Variants in HGF observed in about 807,000 individuals in gnomAD.
HGF encodes fibroblast-derived tumor cytotoxic factor.
In HGF, 39 loss-of-function variants were observed where a neutral mutation model predicts 111.6. The observed-to-expected ratio is 0.35, with a 90% CI of 0.27 to 0.46. HGF has a LOEUF of 0.46. HGF is among the 20% of genes least tolerant of loss of function. The pLI is 1.00. For missense variants in HGF, 735 were observed against 910.5 expected, an observed-to-expected ratio of 0.81 and a Z score of 2.48; for synonymous variants, 285 against 294.8, an observed-to-expected ratio of 0.97 and a Z score of 0.34.
At chr7:81,751,960 A>T in intron 5 of HGF, 160 bp downstream of exon 5, 2 of 1,433,164 alleles carry the variant, frequency 1.4e-6, no homozygotes, top group Non-Finnish European at 1.8e-6. Flanking sequence ...CAACAGTTTT[A>T]AAAACATTGT....
chr7:81,710,089 A>T (rs1264741666), intron 13 of HGF, 58 bp downstream of exon 13: 2 of 1,173,800 alleles, frequency 1.7e-6, no homozygotes, highest in Non-Finnish European at 1.3e-6. Context: ...TATTTCTGGG[A>T]ATAGGACTCT....
At chr7:81,721,174 G>A (rs1789850417) in intron 9 of HGF, among the ~76,000 whole-genome samples, 1 of 152,126 alleles carries the variant, frequency 6.6e-6, no homozygotes, top group Non-Finnish European at 1.5e-5. Flanking sequence ...GTGAACCCGG[G>A]AGGCGGAGCT....
intron 11 of HGF, among the ~76,000 whole-genome samples, chr7:81,711,794 C>T (rs1311897223): frequency 1.3e-5 from 2 of 152,092 alleles, no homozygotes; most frequent in African/African-American, 2.4e-5. Flanking sequence ...CAGGCACACA[C>T]CACCACACCC....
At chr7:81,758,546 A>G (rs575975476) in intron 3 of HGF, 146 bp downstream of exon 3, 1 of 616,638 alleles carries the variant, frequency 1.6e-6, no homozygotes, top group Admixed American at 2.8e-5. Flanking sequence ...ACTAGTTTCA[A>G]CTGTCTTAAT....
chr7:81,735,032 A>T (rs928953683), intron 7 of HGF, among the ~76,000 whole-genome samples: 9 of 152,092 alleles, frequency 5.9e-5, no homozygotes, highest in Non-Finnish European at 1.2e-4. Flanking sequence ...TACTTTATGA[A>T]GGTCCCTCGG....
At chr7:81,751,504 CA>C (rs1554373922) in intron 5 of HGF, 2 of 52,944 alleles carry the variant, frequency 3.8e-5, no homozygotes, top group Middle Eastern at 0.031. Context: ...GGTCCATAGA[CA>C]TGCCTTCAAG....
chr7:81,741,938 CAAAAA>C (rs71520767), intron 7 of HGF, among the ~76,000 whole-genome samples: 2 of 46,336 alleles, frequency 4.3e-5, no homozygotes, highest in South Asian at 1.4e-3. Flanking sequence ...AACTCCATCT[CAAAAA>C]AAAAAAAAAA....
At chr7:81,734,632 G>GA (rs947410867) in intron 7 of HGF, among the ~76,000 whole-genome samples, 29 of 151,220 alleles carry the variant, frequency 1.9e-4, no homozygotes, top group East Asian at 1.4e-3. Context: ...TCACTAATTA[G>GA]AAAAAAAAAT....
rs900830869 is a variant in HGF, at chr7:81,705,719, C to A, written c.1792G>T (p.Asp598Tyr). ...AVLDDFVSTI[D>Y]LPNYGCTIPE... Reference sequence around the variant, plus strand: ...ATTGTGCATCCATAATTAGGTAAATCAATCGTACTAACAAAATCATCCAGG... The same window carrying A: ...ATTGTGCATCCATAATTAGGTAAATAAATCGTACTAACAAAATCATCCAGG... The change falls in exon 16 of 18, where the codon GAT becomes TAT. Residue 598 changes from aspartate (D) to tyrosine (Y), a missense_variant. Asp to Tyr is a radical substitution (Grantham distance 160). Around this residue, in one of 3 missense-constraint regions of HGF, gnomAD observed 130 missense variants for 129.9 expected, o/e 1.00. Coordinates refer to ENST00000222390, the MANE Select transcript of HGF (RefSeq NM_000601.6). The A allele has an allele frequency of 1.9e-6, 3 of 1,611,912 alleles. No individual in the cohort carries two copies. The highest frequency in any genetic ancestry group is 2.5e-6 in the Non-Finnish European group (3 of 1,178,568).
chr7:81,749,912 T>C (rs1163286015), intron 5 of HGF, among the ~76,000 whole-genome samples: 1 of 152,050 alleles, frequency 6.6e-6, no homozygotes, highest in African/African-American at 2.4e-5. Flanking sequence ...ATTTGAACAG[T>C]CTAAAGTTTG....
chr7:81,699,835 C>T lies in HGF; in HGVS notation c.*2746G>A, dbSNP rs1789238789. 1 of 151,576 alleles carries T rather than the reference C, an allele frequency of 6.6e-6. No homozygotes were observed. Among genetic ancestry groups the T allele is most frequent in the African/African-American group, 2.4e-5 (1 of 41,370 alleles). The allele number at this position is 151,576 out of a possible 1,614,324, so 9.4% of individuals were successfully genotyped here. A position where few individuals can be genotyped will look rare whatever the true frequency, so the allele number is the denominator to read the frequency against. The stretch of plus-strand genomic sequence containing the variant: ...GTCTCACACTTCCCATAATTTGAAA[C>T]ACTTAGATAGCAAGCAAAAGCCTGT... On this transcript the variant is annotated 3_prime_UTR_variant, in exon 18 of 18. Transcript: ENST00000222390.
intron 5 of HGF, among the ~76,000 whole-genome samples, chr7:81,745,629 A>G (rs893690616): frequency 6.6e-6 from 1 of 152,236 alleles, no homozygotes; most frequent in Non-Finnish European, 1.5e-5. Context: ...CTTCATATAG[A>G]AATCTGGTGC....
intron 7 of HGF, among the ~76,000 whole-genome samples, chr7:81,735,274 T>A (rs929669515): frequency 3.3e-5 from 5 of 152,246 alleles, no homozygotes; most frequent in Admixed American, 6.5e-5. Flanking sequence ...TTATCTAAGC[T>A]TTTTCTGGTA....
chr7:81,766,218 CT>C (rs1789350192), intron 1 of HGF, among the ~76,000 whole-genome samples: 1 of 152,122 alleles, frequency 6.6e-6, no homozygotes, highest in Admixed American at 6.6e-5. Flanking sequence ...ATTTTCTTCT[CT>C]GTGTGGACTA....
chr7:81,709,428 T>G (rs902767514), intron 13 of HGF, among the ~76,000 whole-genome samples: 3 of 152,168 alleles, frequency 2.0e-5, no homozygotes, highest in Admixed American at 6.5e-5. Context: ...GAATAATATA[T>G]GTAGTATATG....
chr7:81,708,435 C>A (rs1188947901), intron 13 of HGF, among the ~76,000 whole-genome samples: 1 of 148,422 alleles, frequency 6.7e-6, no homozygotes, highest in Non-Finnish European at 1.5e-5. Flanking sequence ...TAATATATGT[C>A]TTCTTTTATC....
chr7:81,734,363 G>C (rs1787757717), intron 7 of HGF, among the ~76,000 whole-genome samples: 1 of 152,086 alleles, frequency 6.6e-6, no homozygotes, highest in South Asian at 2.1e-4. Flanking sequence ...AAAATTTTCT[G>C]TTTGGAAATG....
chr7:81,757,049 A>G (rs1788809926), intron 4 of HGF, 140 bp downstream of exon 4: 1 of 683,150 alleles, frequency 1.5e-6, no homozygotes, highest in Non-Finnish European at 2.7e-6. Context: ...TCATGAATTC[A>G]TATAAACCTT....
At chr7:81,712,424 CT>C (rs1789596086) in intron 11 of HGF, among the ~76,000 whole-genome samples, 1 of 151,998 alleles carries the variant, frequency 6.6e-6, no homozygotes, top group African/African-American at 2.4e-5. Flanking sequence ...TATAATTATG[CT>C]TTGTTGCTTG....
Sources: allele counts gnomAD v4.1 joint callset (sites outside exome capture counted in the v4.1 genomes callset), GRCh38; gene constraint gnomAD v4.1.1; regional missense constraint gnomAD v4.1.1; transcripts MANE v1.5; gene names NCBI Gene and HGNC (gene_info 2026-07-23, HGNC 2026-07-21).